The following ALG13 variants were observed in gnomAD, a reference collection of about 807,000 sequenced individuals.
The protein encoded by ALG13 is ALG13 UDP-N-acetylglucosaminyltransferase subunit, also known as UDP-N-acetylglucosamine transferase subunit ALG13.
Under a neutral mutation model 87.8 loss-of-function variants are expected in ALG13, and 11 were observed. The ratio of observed to expected loss-of-function variants is 0.13; its 90% CI spans 0.08 to 0.21. The LOEUF is 0.21. Ranked by LOEUF, ALG13 falls within the 10% of genes least tolerant of loss-of-function variation. ALG13 has a pLI of 1.00. For missense variants in ALG13, 756 were observed against 866.1 expected, an observed-to-expected ratio of 0.87 and a Z score of 1.60; for synonymous variants, 320 against 306.3, an observed-to-expected ratio of 1.04 and a Z score of -0.47.
intron 3 of ALG13, among the ~76,000 whole-genome samples, chrX:111,694,493 AATAG>A (rs1936679913): frequency 8.9e-6 from 1 of 112,483 alleles, no homozygotes; most frequent in Admixed American, 9.4e-5. Context: ...TGTCTTTTCT[AATAG>A]ATAATAAGGA....
chrX:111,740,539 T>A (rs907480821), intron 23 of ALG13, among the ~76,000 whole-genome samples: 1 of 110,416 alleles, frequency 9.1e-6, no homozygotes, highest in Non-Finnish European at 1.9e-5. Flanking sequence ...TTATTACTTT[T>A]AAAAATAAAC....
chrX:111,737,831 A>G (rs1387401002), intron 23 of ALG13, among the ~76,000 whole-genome samples: 1 of 112,588 alleles, frequency 8.9e-6, no homozygotes, highest in African/African-American at 3.2e-5. Context: ...AGGGCTTAGA[A>G]CAGTTTAACC....
intron 14 of ALG13, among the ~76,000 whole-genome samples, chrX:111,724,711 C>T (rs1480753039): frequency 8.9e-6 from 1 of 112,189 alleles, no homozygotes; most frequent in Non-Finnish European, 1.9e-5. Context: ...CTAATACAGT[C>T]TACCACAGTC....
chrX:111,685,009 G>A lies in ALG13; in HGVS notation c.289G>A (p.Val97Ile), dbSNP rs752964754. 1.7e-6 allele frequency: 2 copies of A among 1,210,241 alleles called. No individual in the cohort carries two copies. The highest frequency in any genetic ancestry group is 3.0e-5 in the East Asian group (1 of 33,798). The change falls in exon 3 of 27, where the codon GTA (valine) becomes ATA (isoleucine). Residue 97 changes from valine (V) to isoleucine (I), a missense_variant. Around this residue, in one of 9 missense-constraint regions of ALG13, gnomAD observed 153 missense variants for 168.7 expected, o/e 0.91. Transcript: ENST00000394780. ...GACTCTGGAAAAAGGAAAGCCACTC[G>A]TAGTGGTTATAAACGAAAAGTTGAT... is the stretch of plus-strand genomic sequence containing the variant. Reference protein sequence around the residue: ...LETLEKGKPLVVVINEKLMNN... With the variant: ...LETLEKGKPLIVVINEKLMNN...
At chrX:111,696,982 CTTTTTTTTTTTT>C (rs55888261) in intron 3 of ALG13, among the ~76,000 whole-genome samples, 6 of 74,157 alleles carry the variant, frequency 8.1e-5, no homozygotes, top group African/African-American at 1.1e-4. Context: ...TGGTTCTTAC[CTTTTTTTTTTTT>C]TTTTTTTTTG....
Position 111,707,883 on chromosome X carries a change from C to G in ALG13, c.384-144C>G, listed in dbSNP as rs191138006. Reference sequence around the variant, plus strand: ...GCTGCTTATGCATACTTTTCTCAACCTTGGTCTGATTGGGTTAGATTGGGT... The same window carrying G: ...GCTGCTTATGCATACTTTTCTCAACGTTGGTCTGATTGGGTTAGATTGGGT... On this transcript the variant is annotated intron_variant, in intron 3 of 26. Coordinates refer to ENST00000394780, the MANE Select transcript of ALG13 (RefSeq NM_001099922.3). 5.1e-4 allele frequency: 336 copies of G among 663,397 alleles called. No homozygotes were observed. The African/African-American group carries it at 6.9e-3, about 14-fold the overall frequency. The allele number at this position is 663,397 out of a possible 1,213,427, so 54.7% of individuals were successfully genotyped here.
At chrX:111,681,570 C>G (rs1933213360) in intron 1 of ALG13, 6 of 958,659 alleles carry the variant, frequency 6.3e-6, no homozygotes, top group Non-Finnish European at 8.0e-6. Context: ...CGGTCTGCCC[C>G]CGCGCTCTAT....
At chrX:111,700,621 G>A (rs1465837191) in intron 3 of ALG13, among the ~76,000 whole-genome samples, 3 of 105,963 alleles carry the variant, frequency 2.8e-5, no homozygotes, top group African/African-American at 1.0e-4. Context: ...CTGTCATCCA[G>A]GCTGGAGTGC....
At chrX:111,733,010 A>G (rs752238476) in intron 21 of ALG13, among the ~76,000 whole-genome samples, 17 of 111,262 alleles carry the variant, frequency 1.5e-4, no homozygotes, top group African/African-American at 2.9e-4. Flanking sequence ...ATAGCTTTCA[A>G]TCTCTTCATA....
Position 111,682,247 on chromosome X carries a change from C to A in ALG13, c.197C>A (p.Ser66Tyr). Residue 66 changes from serine (S) to tyrosine (Y), a missense_variant, in exon 2 of 27, where the codon TCC becomes TAC. Coordinates refer to ENST00000394780, the MANE Select transcript of ALG13 (RefSeq NM_001099922.3). ...CTGGATGTTTACAGGTACAAGGATTCCTTGAAAGAAGACATTCAGAAAGCA... is the reference window on the plus strand; with the variant it reads ...CTGGATGTTTACAGGTACAAGGATTACTTGAAAGAAGACATTCAGAAAGCA... ...FTLDVYRYKD[S>Y]LKEDIQKADL... The A allele has an allele frequency of 8.4e-7, 1 of 1,194,187 alleles. No homozygotes were observed. The highest frequency in any genetic ancestry group is 1.1e-6 in the Non-Finnish European group (1 of 886,242).
intron 19 of ALG13, 128 bp downstream of exon 19, chrX:111,728,433 A>T: frequency 1.0e-5 from 8 of 765,429 alleles, no homozygotes; most frequent in Non-Finnish European, 1.5e-5. Context: ...AAAGATTTAT[A>T]TAAGTTCTTA....
chrX:111,707,724 A>G (rs1244024564), intron 3 of ALG13, among the ~76,000 whole-genome samples: 2 of 111,640 alleles, frequency 1.8e-5, no homozygotes, highest in African/African-American at 3.3e-5. Flanking sequence ...TCTTAAAGCA[A>G]TTCTTCAAGC....
chrX:111,744,407 T>C (rs1944030854), intron 23 of ALG13, among the ~76,000 whole-genome samples: 1 of 112,006 alleles, frequency 8.9e-6, no homozygotes, highest in Non-Finnish European at 1.9e-5. Flanking sequence ...CAAAGTCTGA[T>C]AGTCAAAGCT....
intron 3 of ALG13, among the ~76,000 whole-genome samples, chrX:111,706,235 TAGGC>T: frequency 8.9e-6 from 1 of 112,054 alleles, no homozygotes; most frequent in East Asian, 2.8e-4. Context: ...TTCACCGTGT[TAGGC>T]AGGATAGTCT....
chrX:111,726,572 C>A (rs1021076361), intron 15 of ALG13, among the ~76,000 whole-genome samples: 5 of 110,751 alleles, frequency 4.5e-5, no homozygotes, highest in African/African-American at 1.6e-4. Flanking sequence ...CTAACCTGCC[C>A]ATGCTGGGGA....
chrX:111,694,048 TTTA>T (rs1482011846), intron 3 of ALG13, among the ~76,000 whole-genome samples: 2 of 108,247 alleles, frequency 1.8e-5, no homozygotes, highest in East Asian at 5.6e-4. Flanking sequence ...TTTTTATTTA[TTTA>T]TTTTTTTTTT....
intron 2 of ALG13, among the ~76,000 whole-genome samples, chrX:111,683,424 G>A (rs1198243569): frequency 9.4e-6 from 1 of 105,848 alleles, no homozygotes; most frequent in Non-Finnish European, 1.9e-5. Context: ...CCACCTCCCG[G>A]GTTCAAGCGA....
chrX:111,731,798 T>C (rs1436513999), intron 21 of ALG13, among the ~76,000 whole-genome samples: 2 of 112,281 alleles, frequency 1.8e-5, no homozygotes, highest in African/African-American at 6.5e-5. Context: ...TTTATCCTTA[T>C]ATTTCTGTCT....
Position 111,720,131 on chromosome X carries a change from T to C in ALG13, c.1287T>C (p.Asn429=). The C allele has an allele frequency of 8.4e-7, 1 of 1,195,998 alleles. No individual in the cohort carries two copies. Among genetic ancestry groups the C allele is most frequent in the African/African-American group, 1.7e-5 (1 of 57,327 alleles). The change falls in exon 11 of 27, where the codon AAT becomes AAC. Residue 429 remains asparagine, a synonymous_variant. Transcript: ENST00000394780. ...GGGGTGCCTGCTACAATGCTGAAAA[T>C]ATACCAGAGGGCTACAATAAAGGAA... ...EEWGACYNAE[N]IPEGYNKGTE... is the part of the protein sequence containing the mutation.
Sources: allele counts gnomAD v4.1 joint callset (sites outside exome capture counted in the v4.1 genomes callset), GRCh38; gene constraint gnomAD v4.1.1; regional missense constraint gnomAD v4.1.1; transcripts MANE v1.5; gene names NCBI Gene and HGNC (gene_info 2026-07-23, HGNC 2026-07-21).